The following PCDHGA1 variants were observed in gnomAD, a reference collection of about 807,000 sequenced individuals.
The protein encoded by PCDHGA1 is protocadherin gamma-A1.
In PCDHGA1, 32 loss-of-function variants were observed where a neutral mutation model predicts 58.0. The ratio of observed to expected loss-of-function variants is 0.55; its 90% CI spans 0.42 to 0.74. The LOEUF is 0.74. Ranked by LOEUF, PCDHGA1 falls within the 30% of genes least tolerant of loss-of-function variation. PCDHGA1 has a pLI of 0.00. For missense variants in PCDHGA1, 1,205 were observed against 1,182.3 expected (o/e 1.02, Z -0.28); for synonymous variants, 498 against 501.1 (o/e 0.99, Z 0.08).
chr5:141,432,575 T>TACC lies in PCDHGA1; in HGVS notation c.2422-62231_2422-62229dup, dbSNP rs1044250629. 6.2e-7 allele frequency: 1 copy of TACC among 1,613,326 alleles called. No individual in the cohort carries two copies. The highest frequency in any genetic ancestry group is 1.3e-5 in the African/African-American group (1 of 74,718). ...CTCCGGCCAGAACGCCTGGCTGTCC[T>TACC]ACCGTCTGCTCAAGGCCAGCGAGCC... On this transcript the variant is annotated intron_variant, in intron 1 of 3. Transcript: ENST00000517417. This position sits in a 1 kb window ranked among gnomAD's most constrained non-coding sequence, Gnocchi z 6.0.
intron 1 of PCDHGA1, chr5:141,366,096 C>A (rs763995838): frequency 5.6e-6 from 9 of 1,614,108 alleles, no homozygotes; most frequent in Middle Eastern, 1.6e-4. Context: ...TACCTGGTGA[C>A]CAAGGTGGTA....
At chr5:141,415,394 C>A (rs893251079) in intron 1 of PCDHGA1, 29 of 1,614,110 alleles carry the variant, frequency 1.8e-5, no homozygotes, top group Non-Finnish European at 2.3e-5. Context: ...ACAGGTGTGT[C>A]CGGCTCGCAC....
At chr5:141,418,068 C>T (rs1292846589) in intron 1 of PCDHGA1, 4 of 1,614,002 alleles carry the variant, frequency 2.5e-6, no homozygotes, top group Non-Finnish European at 3.4e-6. Flanking sequence ...CGAGTGAGCG[C>T]GGAGAAGCTG....
In PCDHGA1 at chr5:141,486,727, T is replaced by C; in HGVS notation, c.2422-8080T>C. ...TGAACCCCCAGACAGGAGCTGTTCA[T>C]GCTACTCGATCCTTTGACTATGAGC... On this transcript the variant is annotated intron_variant, in intron 1 of 3. Transcript: ENST00000517417. The surrounding 1 kb of genome is among the most constrained non-coding windows in gnomAD (Gnocchi z 5.0). 6.2e-7 allele frequency: 1 copy of C among 1,614,232 alleles called. No homozygotes were observed. Among genetic ancestry groups the C allele is most frequent in the Non-Finnish European group, 8.5e-7 (1 of 1,180,044 alleles).
intron 1 of PCDHGA1, chr5:141,345,578 C>CGCGCTG: frequency 6.2e-7 from 1 of 1,614,208 alleles, no homozygotes; most frequent in Admixed American, 1.7e-5. Flanking sequence ...GCGTCCTATA[C>CGCGCTG]GCGCTGAGAT....
intron 1 of PCDHGA1, chr5:141,340,521 T>C: frequency 6.2e-7 from 1 of 1,614,260 alleles, no homozygotes; most frequent in Non-Finnish European, 8.5e-7. Flanking sequence ...CTCTATGCAC[T>C]GCGCTCCTTT....
In PCDHGA1 at chr5:141,427,784, G is replaced by A. The variant is rs750188824; in HGVS notation, c.2422-67023G>A. 6.8e-6 allele frequency: 10 copies of A among 1,470,180 alleles called. No homozygotes were observed. The Admixed American group carries it at 1.3e-4, about 20-fold the overall frequency. 91.1% of individuals were successfully genotyped at this position (1,470,180 alleles called of 1,614,324 possible). Reference sequence around the variant, plus strand: ...CTGACTTGGAGCTGCGGGCACTGTCGTCCTACGTGTCCGTGAGCGCACAGA... The same window carrying A: ...CTGACTTGGAGCTGCGGGCACTGTCATCCTACGTGTCCGTGAGCGCACAGA... On this transcript the variant is annotated intron_variant, in intron 1 of 3. Coordinates refer to ENST00000517417, the MANE Select transcript of PCDHGA1 (RefSeq NM_018912.3).
At chr5:141,398,483 T>A (rs754131866) in intron 1 of PCDHGA1, 1 of 1,608,486 alleles carries the variant, frequency 6.2e-7, no homozygotes, top group Non-Finnish European at 8.5e-7. Flanking sequence ...TTTTATCACG[T>A]GAATGTGGAG....
chr5:141,430,315 T>C (rs185896854), intron 1 of PCDHGA1, among the ~76,000 whole-genome samples: 58 of 151,980 alleles, frequency 3.8e-4, no homozygotes, highest in African/African-American at 1.3e-3. Context: ...CATTATAAGA[T>C]TAAAATCATT....
At chr5:141,478,506 ATAGGCAGGTGTTGGG>A in intron 1 of PCDHGA1, 1 of 1,612,314 alleles carries the variant, frequency 6.2e-7, no homozygotes, top group Non-Finnish European at 8.5e-7. Context: ...CCGGTGTTCT[ATAGGCAGGTGTTGGG>A]TGCAGAGAGC....
rs141873183 is a variant in PCDHGA1 at position 141,511,011 on chromosome 5, C to T, written c.2634C>T (p.Tyr878=). The T allele has an allele frequency of 1.5e-5, 24 of 1,614,082 alleles. No individual in the cohort carries two copies. Among genetic ancestry groups the T allele is most frequent in the Middle Eastern group, 1.6e-4 (1 of 6,084 alleles). Residue 878 remains tyrosine (Y), a synonymous_variant, in exon 4 of 4, where the codon TAC becomes TAT. Transcript: ENST00000517417. ...GAGTMGLSAR[Y]GPQFTLQHVP... The stretch of plus-strand genomic sequence containing the variant: ...GCACCATGGGATTGAGCGCCCGCTA[C>T]GGACCCCAGTTCACCCTGCAGCACG...
chr5:141,345,083 G>A lies in PCDHGA1; in HGVS notation c.2421+11978G>A, dbSNP rs766204587. The A allele has an allele frequency of 3.7e-6, 6 of 1,613,942 alleles. No individual in the cohort carries two copies. The South Asian group carries it at 6.6e-5, about 18-fold the overall frequency. On this transcript the variant is annotated intron_variant, in intron 1 of 3. Coordinates refer to ENST00000517417, the MANE Select transcript of PCDHGA1 (RefSeq NM_018912.3). ...ACAATGCTCCAGAAATTACAATCACGTCTCTCACAAGCTCAGTCCCAGAAG... is the reference window on the plus strand; with the variant it reads ...ACAATGCTCCAGAAATTACAATCACATCTCTCACAAGCTCAGTCCCAGAAG...
chr5:141,357,521 G>C, intron 1 of PCDHGA1: 1 of 1,614,228 alleles, frequency 6.2e-7, no homozygotes, highest in Non-Finnish European at 8.5e-7. Flanking sequence ...TCCCAACCCA[G>C]CTATGCAGAC....
At chr5:141,408,438 C>G (rs749271632) in intron 1 of PCDHGA1, 8 of 1,613,896 alleles carry the variant, frequency 5.0e-6, no homozygotes, top group Non-Finnish European at 5.9e-6. Flanking sequence ...AGCGTAGACG[C>G]GGAGAGCGGG....
At chr5:141,345,000 G>A in intron 1 of PCDHGA1, 1 of 1,613,964 alleles carries the variant, frequency 6.2e-7, no homozygotes, top group Non-Finnish European at 8.5e-7. Context: ...TGAAGCACAG[G>A]ATGGACCAGG....
intron 1 of PCDHGA1, chr5:141,419,027 G>A (rs1415215066): frequency 6.2e-7 from 1 of 1,613,870 alleles, no homozygotes; most frequent in Admixed American, 1.7e-5. Flanking sequence ...AAGTAGAGGT[G>A]TTCCATTTAA....
At chr5:141,461,951 G>C (rs1419637040) in intron 1 of PCDHGA1, among the ~76,000 whole-genome samples, 1 of 152,186 alleles carries the variant, frequency 6.6e-6, no homozygotes, top group African/African-American at 2.4e-5. Context: ...AACCTCCTGA[G>C]TAGCTGGGAT....
At chr5:141,387,197 T>C (rs1417433412) in intron 1 of PCDHGA1, among the ~76,000 whole-genome samples, 1 of 152,220 alleles carries the variant, frequency 6.6e-6, no homozygotes, top group East Asian at 1.9e-4. Flanking sequence ...AATTTTGGTA[T>C]TACTGATACT....
intron 1 of PCDHGA1, among the ~76,000 whole-genome samples, chr5:141,359,372 T>C (rs1761190910): frequency 6.6e-6 from 1 of 152,032 alleles, no homozygotes; most frequent in African/African-American, 2.4e-5. Flanking sequence ...AGGAAAGCAG[T>C]AGATAATTTA....
Sources: gnomAD v4.1 joint callset for allele counts (sites outside exome capture counted in the v4.1 genomes callset) on GRCh38, gnomAD v4.1.1 for gene constraint, Gnocchi (gnomAD v3.1) non-coding constraint, MANE v1.5 for transcripts, NCBI Gene and HGNC (gene_info 2026-07-23, HGNC 2026-07-21) for gene names.